MGA: variants seen among roughly 807,000 people sequenced by gnomAD.
The protein encoded by MGA is MAX gene-associated protein.
Under a neutral mutation model 261.1 loss-of-function variants are expected in MGA, and 40 were observed. The observed-to-expected ratio is 0.15, with a 90% CI of 0.12 to 0.20. The LOEUF is 0.20. Among genes scored for constraint, MGA ranks in the 10% least tolerant of loss-of-function variants. The probability of loss-of-function intolerance (pLI) is 1.00; values close to 1 mark genes in which losing one functional copy is unlikely to be tolerated. For synonymous variants in MGA, 1,302 were observed against 1,290.6 expected (o/e 1.01, Z -0.19); for missense variants, 3,397 against 3,630.5 (o/e 0.94, Z 1.65).
chr15:41,756,117 C>T (rs1175831767), intron 18 of MGA, among the ~76,000 whole-genome samples: 3 of 151,312 alleles, frequency 2.0e-5, no homozygotes, highest in Non-Finnish European at 3.0e-5. Flanking sequence ...GTCAGAACAC[C>T]GTGAAAACAG....
rs1315085024 is a variant in MGA, at chr15:41,719,816, A to G, written c.3430+6320A>G. Among the ~76,000 whole-genome samples the G allele has an allele frequency of 2.6e-5, 4 of 152,228 alleles. No individual in the cohort carries two copies. In the South Asian group the frequency reaches 6.2e-4, roughly 24 times the overall value. ...TAGTAAATATGTCCATATGTATAAA[A>G]TACATATTAGTGATTAGGGGTAGAA... On this transcript the variant is annotated intron_variant, in intron 9 of 23. Coordinates refer to ENST00000219905, the MANE Select transcript of MGA (RefSeq NM_001164273.2).
intron 11 of MGA, among the ~76,000 whole-genome samples, chr15:41,733,099 C>T (rs943186253): frequency 1.3e-4 from 20 of 152,106 alleles, no homozygotes; most frequent in Non-Finnish European, 2.6e-4. Context: ...GCTGGCATTA[C>T]GGGCGGGTGC....
In MGA at chr15:41,742,558, C is replaced by G; in HGVS notation, c.4598C>G (p.Ser1533Cys). 1.2e-6 allele frequency: 2 copies of G among 1,612,838 alleles called. No homozygotes were observed. Among genetic ancestry groups the G allele is most frequent in the Non-Finnish European group, 1.7e-6 (2 of 1,179,158 alleles). The change falls in exon 15 of 24, where the codon TCT becomes TGT. Residue 1533 changes from serine (S) to cysteine (C), a missense_variant. Ser to Cys is a moderately radical substitution (Grantham distance 112). Around this residue, in one of 9 missense-constraint regions of MGA, gnomAD observed 1,410 missense variants for 1,386.4 expected, o/e 1.02. Coordinates refer to ENST00000219905, the MANE Select transcript of MGA (RefSeq NM_001164273.2). Reference sequence around the variant, plus strand: ...TTTCTGTTTGCAGCGGCTCGACCCTCTCCTGGTGGTGTGTTCACACAGTTT... The same window carrying G: ...TTTCTGTTTGCAGCGGCTCGACCCTGTCCTGGTGGTGTGTTCACACAGTTT...
chr15:41,655,448 C>T (rs536504748), upstream of MGA, among the ~76,000 whole-genome samples: 10 of 152,306 alleles, frequency 6.6e-5, no homozygotes, highest in East Asian at 1.9e-3. Flanking sequence ...GTTGAGATTA[C>T]AGGCGTGAGC....
At chr15:41,725,569 C>T (rs2061181740) in intron 9 of MGA, among the ~76,000 whole-genome samples, 10 of 54,068 alleles carry the variant, frequency 1.8e-4, no homozygotes, top group Admixed American at 4.7e-4. Context: ...CGCGGTGGCT[C>T]ACGCCTGTAA....
chr15:41,699,520 A>G (rs1274144803), intron 5 of MGA, among the ~76,000 whole-genome samples: 3 of 152,100 alleles, frequency 2.0e-5, no homozygotes, highest in Non-Finnish European at 4.4e-5. Context: ...TTTGTTTGAG[A>G]CGGAGTTTCG....
chr15:41,748,250 CT>C (rs1181238534), intron 15 of MGA, among the ~76,000 whole-genome samples: 8 of 137,832 alleles, frequency 5.8e-5, no homozygotes, highest in Admixed American at 3.6e-4. Flanking sequence ...AACCCTGCCT[CT>C]TTAAAAAAAA....
chr15:41,721,245 A>G (rs2060923213), intron 9 of MGA, among the ~76,000 whole-genome samples: 1 of 152,144 alleles, frequency 6.6e-6, no homozygotes, highest in Non-Finnish European at 1.5e-5. Flanking sequence ...AGGTGGGTGG[A>G]TTACTTGTGG....
intron 2 of MGA, among the ~76,000 whole-genome samples, chr15:41,694,942 G>T (rs1013345692): frequency 2.0e-5 from 3 of 152,098 alleles, no homozygotes; most frequent in African/African-American, 4.8e-5. Context: ...GGCTATAAAT[G>T]CTGTTTTCAG....
chr15:41,753,459 C>A (rs1271370585), intron 17 of MGA, among the ~76,000 whole-genome samples: 1 of 151,664 alleles, frequency 6.6e-6, no homozygotes, highest in Non-Finnish European at 1.5e-5. Flanking sequence ...ATCTGCTTAT[C>A]CTATATATCC....
intron 13 of MGA, among the ~76,000 whole-genome samples, chr15:41,739,243 C>T (rs1308003612): frequency 6.6e-6 from 1 of 152,154 alleles, no homozygotes; most frequent in Admixed American, 6.6e-5. Context: ...TGTTGGTTCA[C>T]TTTCTTCTGA....
At chr15:41,752,188 G>C (rs1292529852) in intron 17 of MGA, 1 of 151,972 alleles carries the variant, frequency 6.6e-6, no homozygotes, top group Admixed American at 6.6e-5. Context: ...GCCTGCCACC[G>C]CCCCAGCTAA....
chr15:41,767,054 C>T lies in MGA; in HGVS notation c.8972C>T (p.Pro2991Leu). Residue 2991 changes from proline to leucine, a missense_variant, in exon 24 of 24, where the codon CCT becomes CTT. Pro to Leu is a moderately conservative substitution (Grantham distance 98). Coordinates refer to ENST00000219905, the MANE Select transcript of MGA (RefSeq NM_001164273.2). ...TGGAGGCCTATGCCAAAGTTGGCCC[C>T]TCTAGGTTTAAAAGTAGCTAATCCT... 2 of 1,614,016 alleles carry T rather than the reference C, an allele frequency of 1.2e-6. No individual in the cohort carries two copies. Among genetic ancestry groups the T allele is most frequent in the Non-Finnish European group, 1.7e-6 (2 of 1,179,902 alleles).
At chr15:41,638,032 CTTTTTTTTTTTTT>C (rs56390631) in intron 1 of MGA, among the ~76,000 whole-genome samples, 1 of 42,968 alleles carries the variant, frequency 2.3e-5, no homozygotes, top group African/African-American at 7.8e-5. Context: ...CTGTGCCCAG[CTTTTTTTTTTTTT>C]TTTTTTTTTT....
chr15:41,761,029 C>T (rs948376318), intron 20 of MGA, among the ~76,000 whole-genome samples: 14 of 152,228 alleles, frequency 9.2e-5, no homozygotes, highest in African/African-American at 3.4e-4. Context: ...CCTCAGCCTC[C>T]CAAAGTGCTG....
chr15:41,623,681 C>T (rs928524679), intron 1 of MGA, among the ~76,000 whole-genome samples: 4 of 150,212 alleles, frequency 2.7e-5, no homozygotes, highest in South Asian at 2.1e-4. Flanking sequence ...GAGTGGAGAT[C>T]GCGCCATTGC....
rs976369912 is a variant in MGA, at chr15:41,703,370, C to CG, written c.2188+4211_2188+4212insG. Among the ~76,000 whole-genome samples, 66 of 129,604 alleles carry CG rather than the reference C, an allele frequency of 5.1e-4. 4 individuals are homozygous for CG. The highest frequency in any genetic ancestry group is 8.6e-4 in the Non-Finnish European group (51 of 59,354). 85.0% of individuals were successfully genotyped at this position (129,604 alleles called of 152,430 possible). A position where few individuals can be genotyped will look rare whatever the true frequency, so the allele number is the denominator to read the frequency against. On this transcript the variant is annotated intron_variant, in intron 5 of 23. Transcript: ENST00000219905. ...GTCAGTTTATTCATTGTGAAGTTAC[C>CG]CCCCCCCCCACTCCCCACCCTCCCT...
chr15:41,657,071 C>T (rs1230292749), upstream of MGA, among the ~76,000 whole-genome samples: 1 of 152,164 alleles, frequency 6.6e-6, no homozygotes, highest in African/African-American at 2.4e-5. Flanking sequence ...TGAACCACTG[C>T]GCCCAGCCCA....
intron 1 of MGA, among the ~76,000 whole-genome samples, chr15:41,641,873 G>A (rs1227776735): frequency 6.6e-6 from 1 of 151,404 alleles, no homozygotes; most frequent in Admixed American, 6.6e-5. Flanking sequence ...ACAACTTACT[G>A]TAGTCTTGAC....
Sources: gnomAD v4.1 joint callset for allele counts (sites outside exome capture counted in the v4.1 genomes callset) on GRCh38, gnomAD v4.1.1 for gene constraint, gnomAD v4.1.1 regional missense constraint, MANE v1.5 for transcripts, NCBI Gene and HGNC (gene_info 2026-07-23, HGNC 2026-07-21) for gene names.